The following PCDHGA3 variants were observed in gnomAD, a reference collection of about 807,000 sequenced individuals.
PCDHGA3 encodes protocadherin gamma subfamily A, 3.
A neutral mutation model predicts 58.5 loss-of-function variants in PCDHGA3; 40 were observed. That is an observed-to-expected ratio of 0.68 (90% CI 0.53 to 0.89). The LOEUF (loss-of-function observed/expected upper bound fraction) is 0.89, where lower values mean the gene tolerates loss of function less well. Ranked by LOEUF, PCDHGA3 falls within the 40% of genes least tolerant of loss-of-function variation. The pLI, the probability that PCDHGA3 is intolerant of heterozygous loss-of-function variation, is 0.00. For synonymous variants in PCDHGA3, 530 were observed against 525.7 expected (o/e 1.01, Z -0.11); for missense variants, 1,223 against 1,195.9 (o/e 1.02, Z -0.33).
At chr5:141,374,580 C>T (rs745902303) in intron 1 of PCDHGA3, 1 of 1,613,706 alleles carries the variant, frequency 6.2e-7, no homozygotes, top group Non-Finnish European at 8.5e-7. Context: ...GGAATGAACT[C>T]CCTTCAGGGA....
At chr5:141,460,983 G>GTGTGTA (rs1554142949) in intron 1 of PCDHGA3, among the ~76,000 whole-genome samples, 82 of 137,842 alleles carry the variant, frequency 5.9e-4, no homozygotes, top group African/African-American at 1.9e-3. Flanking sequence ...GTGTGTGTGT[G>GTGTGTA]TATATATATA....
intron 1 of PCDHGA3, among the ~76,000 whole-genome samples, chr5:141,445,415 C>A (rs1235584061): frequency 6.6e-6 from 1 of 152,140 alleles, no homozygotes; most frequent in Non-Finnish European, 1.5e-5. Context: ...TAACTGTCTG[C>A]TATATGCAAG....
At chr5:141,403,875 A>T in intron 1 of PCDHGA3, 1 of 1,613,816 alleles carries the variant, frequency 6.2e-7, no homozygotes, top group Non-Finnish European at 8.5e-7. Flanking sequence ...AAAAGTCTAG[A>T]TTATGAAGAA....
intron 1 of PCDHGA3, among the ~76,000 whole-genome samples, chr5:141,446,150 A>G (rs754792549): frequency 6.6e-6 from 1 of 152,216 alleles, no homozygotes; most frequent in Non-Finnish European, 1.5e-5. Flanking sequence ...GAATAGGTGG[A>G]ATATAAATTT....
intron 1 of PCDHGA3, chr5:141,414,540 C>A (rs1158346953): frequency 1.2e-5 from 19 of 1,613,948 alleles, no homozygotes; most frequent in Non-Finnish European, 1.5e-5. Context: ...ACCCACCTAC[C>A]TTCTCTCAAG....
chr5:141,433,365 A>G (rs1347170890), intron 1 of PCDHGA3: 7 of 523,718 alleles, frequency 1.3e-5, no homozygotes, highest in Non-Finnish European at 2.4e-5. Context: ...CTGCCTATCT[A>G]TCTATCTATC....
intron 1 of PCDHGA3, chr5:141,361,166 C>G: frequency 6.2e-7 from 1 of 1,613,940 alleles, no homozygotes; most frequent in South Asian, 1.1e-5. Context: ...AACGATTGTG[C>G]ACCTGAAGTT....
At chr5:141,377,889 C>A (rs914946378) in intron 1 of PCDHGA3, 2 of 152,056 alleles carry the variant, frequency 1.3e-5, no homozygotes, top group Non-Finnish European at 2.9e-5. Flanking sequence ...AGATAGGATC[C>A]CCCTCTGTTG....
chr5:141,356,652 T>C, intron 1 of PCDHGA3: 5 of 1,614,078 alleles, frequency 3.1e-6, no homozygotes, highest in Non-Finnish European at 4.2e-6. Context: ...GTGGTGACAA[T>C]GCCCGAATCA....
At chr5:141,378,050 A>C (rs1339661342) in intron 1 of PCDHGA3, 2 of 152,190 alleles carry the variant, frequency 1.3e-5, no homozygotes, top group Admixed American at 1.3e-4. Context: ...TTCCTTATCT[A>C]TCTGACTCAA....
intron 1 of PCDHGA3, chr5:141,478,053 T>A (rs1461280529): frequency 1.2e-6 from 2 of 1,614,010 alleles, no homozygotes; most frequent in Non-Finnish European, 1.7e-6. Context: ...ACTCTCACGG[T>A]CTTGATCAAA....
intron 1 of PCDHGA3, among the ~76,000 whole-genome samples, chr5:141,424,906 A>T (rs1417615946): frequency 5.9e-5 from 9 of 152,212 alleles, no homozygotes. Context: ...GATCACAGGA[A>T]TCATTTCCAT....
rs778960850 is a variant in PCDHGA3, at chr5:141,389,261, G to A, written c.2424+42804G>A. 2.0e-5 allele frequency: 32 copies of A among 1,613,890 alleles called. No homozygotes were observed. The East Asian group carries it at 7.1e-4, about 36-fold the overall frequency. ...CACAGTCTTCCTATATAGTCCACGT[G>A]GCCGAGAACAACCCGCCTGGAGCCT... On this transcript the variant is annotated intron_variant, in intron 1 of 3. Coordinates refer to ENST00000253812, the MANE Select transcript of PCDHGA3 (RefSeq NM_018916.4).
At chr5:141,415,123 G>T (rs1349224471) in intron 1 of PCDHGA3, 3 of 1,613,540 alleles carry the variant, frequency 1.9e-6, no homozygotes. Flanking sequence ...CGTAGTGGCC[G>T]TCCAGGACCA....
chr5:141,438,627 TATATATATACACACAC>T (rs1396288881), intron 1 of PCDHGA3, among the ~76,000 whole-genome samples: 69 of 48,002 alleles, frequency 1.4e-3, no homozygotes, highest in Admixed American at 2.8e-3. Flanking sequence ...TATATATATA[TATATATATACACACAC>T]ACACACACAT....
intron 1 of PCDHGA3, chr5:141,475,885 A>G (rs1593590954): frequency 1.8e-6 from 1 of 556,524 alleles, no homozygotes. Flanking sequence ...ATTGGCTGGG[A>G]CTCTGTGTGC....
chr5:141,406,375 T>C (rs1427638211), intron 1 of PCDHGA3, among the ~76,000 whole-genome samples: 1 of 152,186 alleles, frequency 6.6e-6, no homozygotes, highest in Non-Finnish European at 1.5e-5. Flanking sequence ...GGTAAACTGA[T>C]AAAAAGGTAA....
intron 1 of PCDHGA3, among the ~76,000 whole-genome samples, chr5:141,453,517 C>A (rs1001603927): frequency 1.3e-5 from 2 of 152,062 alleles, no homozygotes; most frequent in African/African-American, 4.8e-5. Flanking sequence ...TCATTCCTCC[C>A]CTATACCTTC....
Position 141,489,322 on chromosome 5 carries a change from T to G in PCDHGA3, c.2425-5485T>G. 1.9e-6 allele frequency: 3 copies of G among 1,601,052 alleles called. No homozygotes were observed. The highest frequency in any genetic ancestry group is 2.2e-5 in the East Asian group (1 of 44,726). On this transcript the variant is annotated intron_variant, in intron 1 of 3. Transcript: ENST00000253812. This position sits in a 1 kb window ranked among gnomAD's most constrained non-coding sequence, Gnocchi z 4.5. The stretch of plus-strand genomic sequence containing the variant: ...GTCCTTGTGCTGCTGGGGCTGGGTG[T>G]CTGGGCAGCTTCGTTACTCAGTGGT...
Sources: gnomAD v4.1 joint callset for allele counts (sites outside exome capture counted in the v4.1 genomes callset) on GRCh38, gnomAD v4.1.1 for gene constraint, Gnocchi (gnomAD v3.1) non-coding constraint, MANE v1.5 for transcripts, NCBI Gene and HGNC (gene_info 2026-07-23, HGNC 2026-07-21) for gene names.